Variants in MROH7 observed in about 807,000 individuals in gnomAD.
The protein encoded by MROH7 is maestro heat like repeat family member 7, also known as maestro heat-like repeat-containing protein family member 7.
Under a neutral mutation model 129.2 loss-of-function variants are expected in MROH7, and 113 were observed. The ratio of observed to expected loss-of-function variants is 0.87; its 90% CI spans 0.75 to 1.02. The LOEUF (loss-of-function observed/expected upper bound fraction) is 1.02. Ranked by LOEUF, MROH7 falls within the 50% of genes least tolerant of loss-of-function variation. The pLI is 0.00. For synonymous variants in MROH7, 655 were observed against 667.9 expected (o/e 0.98, Z 0.30); for missense variants, 1,601 against 1,671.3 (o/e 0.96, Z 0.73).
At chr1:54,642,643 T>G (rs1644405738) in intron 1 of MROH7, among the ~76,000 whole-genome samples, 1 of 151,876 alleles carries the variant, frequency 6.6e-6, no homozygotes. Context: ...TGAGACAGAG[T>G]CTCTCTCTGT....
chr1:54,669,092 C>T (rs1208509523), intron 5 of MROH7, among the ~76,000 whole-genome samples, 155 bp downstream of exon 5: 3 of 151,142 alleles, frequency 2.0e-5, no homozygotes, highest in Non-Finnish European at 3.0e-5. Flanking sequence ...AGCTCCACCT[C>T]GAACTGCCCT....
At chr1:54,705,511 G>A (rs547753499) in intron 21 of MROH7, among the ~76,000 whole-genome samples, 12 of 152,322 alleles carry the variant, frequency 7.9e-5, no homozygotes, top group African/African-American at 2.9e-4. Flanking sequence ...AAGGGTGGTG[G>A]GATGGAGCTC....
chr1:54,665,180 A>G lies in MROH7; in HGVS notation c.1245A>G (p.Glu415=). The G allele has an allele frequency of 6.2e-7, 1 of 1,613,834 alleles. No homozygotes were observed. The highest frequency in any genetic ancestry group is 8.5e-7 in the Non-Finnish European group (1 of 1,179,850). ...CGTGCCCTGCAGGAGCCTTTGATGA[A>G]GTGACCTCATGCCTGGTGAAGGTGC... ...LQGIPEGAFD[E]VTSCLVKVPE... is the part of the protein sequence containing the mutation. Residue 415 remains glutamate (E), a synonymous_variant, in exon 4 of 24, where the codon GAA becomes GAG. Transcript: ENST00000421030.
chr1:54,700,073 C>A, intron 17 of MROH7: 1 of 683,626 alleles, frequency 1.5e-6, no homozygotes, highest in Non-Finnish European at 2.7e-6. Flanking sequence ...AATGAGGCCA[C>A]AGGATCTCAT....
intron 12 of MROH7, 87 bp from the exon 13 acceptor site, chr1:54,679,804 C>A (rs1282428943): frequency 7.5e-7 from 1 of 1,329,100 alleles, no homozygotes; most frequent in African/African-American, 1.4e-5. Context: ...TAGCCTGTCA[C>A]CCCCTTCCCT....
intron 14 of MROH7, among the ~76,000 whole-genome samples, chr1:54,685,242 C>T (rs1354437048): frequency 6.6e-6 from 1 of 152,152 alleles, no homozygotes. Flanking sequence ...GTCTCAAACT[C>T]CTGCCTGACC....
rs138537168 is a variant in MROH7 at position 54,658,059 on chromosome 1, A to T, written c.1231+3902A>T. Reference sequence around the variant, plus strand: ...TTTCCTCTCCATAACTCTTCATCTTATGAACCTCAAACTCCATATGCATTA... The same window carrying T: ...TTTCCTCTCCATAACTCTTCATCTTTTGAACCTCAAACTCCATATGCATTA... On this transcript the variant is annotated intron_variant, in intron 3 of 23. Transcript: ENST00000421030. 8.4e-3 allele frequency among the ~76,000 whole-genome samples: 1,279 copies of T among 152,262 alleles called. 9 individuals are homozygous for T. The highest frequency in any genetic ancestry group is 0.018 in the South Asian group (88 of 4,824).
In MROH7 at chr1:54,701,374, T is replaced by C. The variant is rs1159787959; in HGVS notation, c.3285+52T>C. The C allele has an allele frequency of 6.2e-6, 9 of 1,460,624 alleles. No homozygotes were observed. The East Asian group carries it at 1.7e-4, about 28-fold the overall frequency. 90.5% of individuals were successfully genotyped at this position (1,460,624 alleles called of 1,614,324 possible). A position where few individuals can be genotyped will look rare whatever the true frequency, so the allele number is the denominator to read the frequency against. ...AGGAGGGATCGAGAAGGGGGTCTTTTACTACCTTGGGGGCTGCATTTCCAC... is the reference window on the plus strand; with the variant it reads ...AGGAGGGATCGAGAAGGGGGTCTTTCACTACCTTGGGGGCTGCATTTCCAC... On this transcript the variant is annotated intron_variant, in intron 19 of 23. Transcript: ENST00000421030.
chr1:54,663,906 C>T, intron 3 of MROH7: 1 of 376,340 alleles, frequency 2.7e-6, no homozygotes, highest in Non-Finnish European at 5.2e-6. Context: ...GTATCTACTT[C>T]TCCATCCTCC....
rs114773990 is a variant in MROH7 at position 54,679,840 on chromosome 1, G to A, written c.2227-51G>A. ...CTCCTCCCACCTTCCTGCTGCCCCCGTGCTTCCCTTGGCAGTCCCCTTGCT... is the reference window on the plus strand; with the variant it reads ...CTCCTCCCACCTTCCTGCTGCCCCCATGCTTCCCTTGGCAGTCCCCTTGCT... On this transcript the variant is annotated intron_variant, in intron 12 of 23. Coordinates refer to ENST00000421030, the MANE Select transcript of MROH7 (RefSeq NM_001039464.4). 6.3e-4 allele frequency: 978 copies of A among 1,561,496 alleles called. 7 individuals are homozygous for A. The African/African-American group carries it at 0.012, about 19-fold the overall frequency.
intron 22 of MROH7, among the ~76,000 whole-genome samples, chr1:54,708,552 A>G (rs914646218): frequency 9.2e-5 from 14 of 152,244 alleles, no homozygotes; most frequent in Non-Finnish European, 1.5e-4. Context: ...AATGCATCAG[A>G]GGAGTCATCA....
intron 15 of MROH7, 114 bp downstream of exon 15, chr1:54,686,562 T>C: frequency 1.0e-6 from 1 of 963,026 alleles, no homozygotes; most frequent in Non-Finnish European, 1.5e-6. Flanking sequence ...GCTTTGGGAC[T>C]AGAAGAGAAA....
intron 21 of MROH7, among the ~76,000 whole-genome samples, chr1:54,705,904 C>G (rs935426919): frequency 3.3e-5 from 5 of 152,196 alleles, no homozygotes; most frequent in Non-Finnish European, 7.3e-5. Context: ...GGACAACTGT[C>G]TCCCACTTTC....
At chr1:54,671,456 A>AGGG (rs1172622520) in intron 7 of MROH7, among the ~76,000 whole-genome samples, 1 of 152,120 alleles carries the variant, frequency 6.6e-6, no homozygotes, top group Non-Finnish European at 1.5e-5. Flanking sequence ...GCCCTATGGG[A>AGGG]GGGATGTGGG....
At position 54,680,174 on chromosome 1, in the gene MROH7, G is replaced by A. The variant is rs936667686; in HGVS notation, c.2381+129G>A. The A allele has an allele frequency of 3.0e-5, 23 of 773,198 alleles. No homozygotes were observed. In the African/African-American group the frequency reaches 3.3e-4, roughly 11 times the overall value. 47.9% of individuals were successfully genotyped at this position (773,198 alleles called of 1,614,324 possible). The stretch of plus-strand genomic sequence containing the variant: ...CAGATGGCCCCCCTTCTGTGATCTG[G>A]GGTGTTTATGACAACCATTAAGCAC... On this transcript the variant is annotated intron_variant, in intron 13 of 23. Coordinates refer to ENST00000421030, the MANE Select transcript of MROH7 (RefSeq NM_001039464.4).
chr1:54,663,973 C>G, intron 3 of MROH7: 1 of 327,124 alleles, frequency 3.1e-6, no homozygotes, highest in South Asian at 2.5e-5. Flanking sequence ...CCCCAGTGAC[C>G]TTGTCCTCAG....
At chr1:54,665,350 C>T (rs1217445145) in intron 4 of MROH7, 110 bp downstream of exon 4, 7 of 706,696 alleles carry the variant, frequency 9.9e-6, no homozygotes, top group South Asian at 5.4e-5. Flanking sequence ...CTGCCCAGCT[C>T]TCCTTTTCTC....
intron 1 of MROH7, among the ~76,000 whole-genome samples, chr1:54,644,288 TTCCC>T (rs1479807564): frequency 2.6e-5 from 4 of 151,780 alleles, no homozygotes; most frequent in African/African-American, 4.8e-5. Flanking sequence ...CCTTCCTTCC[TTCCC>T]TCCCTCCCTC....
chr1:54,653,612 A>G lies in MROH7; in HGVS notation c.686A>G (p.Asn229Ser). 3.1e-6 allele frequency: 5 copies of G among 1,614,118 alleles called. No homozygotes were observed. Among genetic ancestry groups the G allele is most frequent in the Non-Finnish European group, 4.2e-6 (5 of 1,180,024 alleles). Residue 229 changes from asparagine (N) to serine (S), a missense_variant, in exon 3 of 24, where the codon AAC becomes AGC. Transcript: ENST00000421030. ...GGCTCAAGAAACACCTCCAAGCTGAACCTGAATGTAGCTCCAGATTCTCAT... is the reference window on the plus strand; with the variant it reads ...GGCTCAAGAAACACCTCCAAGCTGAGCCTGAATGTAGCTCCAGATTCTCAT... ...NMGSRNTSKL[N>S]LNVAPDSHGT...
Sources: allele counts gnomAD v4.1 joint callset (sites outside exome capture counted in the v4.1 genomes callset), GRCh38; gene constraint gnomAD v4.1.1; transcripts MANE v1.5; gene names NCBI Gene and HGNC (gene_info 2026-07-23, HGNC 2026-07-21).